Variants in SNCG observed in about 807,000 individuals in gnomAD.
The protein encoded by SNCG is gamma-synuclein.
A neutral mutation model predicts 16.0 loss-of-function variants in SNCG; 13 were observed. That is an observed-to-expected ratio of 0.81 (90% CI 0.53 to 1.29). SNCG has a LOEUF of 1.29. Among genes scored for constraint, SNCG ranks in the 50% most tolerant of loss-of-function variants. SNCG has a pLI of 0.00. For missense variants in SNCG, 154 were observed against 168.5 expected (o/e 0.91, Z 0.48); for synonymous variants, 66 against 66.3 (o/e 1.00, Z 0.02).
At chr10:86,958,963 T>A (rs1469953925) in intron 1 of SNCG, 145 bp downstream of exon 1, 3 of 845,824 alleles carry the variant, frequency 3.5e-6, no homozygotes, top group South Asian at 1.8e-5. Flanking sequence ...CTCCAGACCC[T>A]GGAGCACCCA....
Position 86,963,065 on chromosome 10 carries a change from C to A in SNCG, c.*80C>A. Reference sequence around the variant, plus strand: ...ATCCCCTCCTAGCACAAGGAGTGCCCGCCTTGAGTGACATGCGGCTGCCCA... The same window carrying A: ...ATCCCCTCCTAGCACAAGGAGTGCCAGCCTTGAGTGACATGCGGCTGCCCA... On this transcript the variant is annotated 3_prime_UTR_variant, in exon 5 of 5. Coordinates refer to ENST00000372017, the MANE Select transcript of SNCG (RefSeq NM_003087.3). The A allele has an allele frequency of 1.4e-6, 2 of 1,420,434 alleles. No homozygotes were observed. Among genetic ancestry groups the A allele is most frequent in the East Asian group, 2.4e-5 (1 of 41,050 alleles). 88.0% of individuals were successfully genotyped at this position (1,420,434 alleles called of 1,614,324 possible).
rs1564737596 is a variant in SNCG at position 86,959,647 on chromosome 10, G to GA, written c.137dup (p.Asn47GlufsTer64). 6.2e-7 allele frequency: 1 copy of GA among 1,613,510 alleles called. No homozygotes were observed. The highest frequency in any genetic ancestry group is 1.7e-5 in the Admixed American group (1 of 59,932). ...TTCCTCCCCAGGAGCCAAGACCAAG[G>GA]AGAATGTTGTACAGAGCGTGACCTC... On this transcript the variant is annotated frameshift_variant, in exon 2 of 5. Transcript: ENST00000372017. LOFTEE classifies it high-confidence loss of function. This position sits in a 1 kb window ranked among gnomAD's most constrained non-coding sequence, Gnocchi z 4.3.
At position 86,962,622 on chromosome 10, in the gene SNCG, G is replaced by T. The variant is rs1235142921; in HGVS notation, c.310G>T (p.Ala104Ser). 1 of 1,612,468 alleles carries T rather than the reference G, an allele frequency of 6.2e-7. No homozygotes were observed. The highest frequency in any genetic ancestry group is 1.1e-5 in the South Asian group (1 of 90,666). The part of the protein sequence containing the change: ...VVRKEDLRPS[A>S]PQQEGEASKE... ...CCTACAGGAGGACTTGAGGCCATCT[G>T]CCCCCCAACAGGAGGGTGAGGCATC... The change falls in exon 4 of 5, where the codon GCC becomes TCC. Residue 104 changes from alanine (A) to serine (S), a missense_variant. Ala to Ser is a moderately conservative substitution (Grantham distance 99, BLOSUM62 1). Transcript: ENST00000372017.
In SNCG at chr10:86,960,104, G is replaced by C. The variant is rs778658322; in HGVS notation, c.267G>C (p.Ala89=). The C allele has an allele frequency of 6.2e-7, 1 of 1,613,004 alleles. No individual in the cohort carries two copies. The highest frequency in any genetic ancestry group is 1.3e-5 in the African/African-American group (1 of 74,874). ...TKTVEEAENI[A]VTSGVVRKED... ...CCGTGGAGGAGGCGGAGAACATCGC[G>C]GTCACCTCCGGGGTGGTGCGCAAGG... Residue 89 remains alanine (A), a synonymous_variant, in exon 3 of 5, where the codon GCG becomes GCC. Transcript: ENST00000372017.
intron 4 of SNCG, 127 bp from the exon 5 acceptor site, chr10:86,962,838 G>A: frequency 8.2e-7 from 1 of 1,224,606 alleles, no homozygotes; most frequent in Non-Finnish European, 1.2e-6. Flanking sequence ...CTGAACCTGA[G>A]TGGGAGGTCC....
intron 4 of SNCG, 27 bp downstream of exon 4, chr10:86,962,702 C>T: frequency 6.4e-7 from 1 of 1,574,552 alleles, no homozygotes; most frequent in Non-Finnish European, 8.7e-7. Context: ...TGGGGTGCAC[C>T]ATGGGGGGTT....
upstream of SNCG, chr10:86,957,391 C>T (rs1564736457): frequency 6.2e-7 from 1 of 1,613,328 alleles, no homozygotes. Flanking sequence ...CCTACGGGGT[C>T]CTTGCCGGTG....
At chr10:86,962,088 G>A (rs1404255968) in intron 3 of SNCG, among the ~76,000 whole-genome samples, 1 of 152,246 alleles carries the variant, frequency 6.6e-6, no homozygotes, top group Non-Finnish European at 1.5e-5. Flanking sequence ...AGGGAGCCAT[G>A]CTCCTGTGGA....
In SNCG at chr10:86,962,948, G is replaced by A; in HGVS notation, c.364-17G>A. On this transcript the variant is annotated splice_polypyrimidine_tract_variant and intron_variant, in intron 4 of 4. Transcript: ENST00000372017. Reference sequence around the variant, plus strand: ...CTGGGGCCTGGAGCTGGGTGTGCAGGTCATTCTCTCTCCCAGGCCCAGAGT... The same window carrying A: ...CTGGGGCCTGGAGCTGGGTGTGCAGATCATTCTCTCTCCCAGGCCCAGAGT... 1 of 1,599,658 alleles carries A rather than the reference G, an allele frequency of 6.3e-7. No individual in the cohort carries two copies. The highest frequency in any genetic ancestry group is 8.5e-7 in the Non-Finnish European group (1 of 1,174,196).
chr10:86,958,501 T>TCCCAA, upstream of SNCG: 1 of 644,760 alleles, frequency 1.6e-6, no homozygotes, highest in Non-Finnish European at 2.2e-6. Flanking sequence ...CCTCCTTCCC[T>TCCCAA]CCCTCCCTCC....
upstream of SNCG, chr10:86,957,266 A>G (rs1844250287): frequency 1.8e-6 from 2 of 1,114,862 alleles, no homozygotes; most frequent in South Asian, 2.7e-5. Context: ...GATAGATACT[A>G]TTAGCCCATT....
At chr10:86,958,496 T>TTCCC (rs1184984868), upstream of SNCG, 40 of 1,169,826 alleles carry the variant, frequency 3.4e-5, no homozygotes, top group South Asian at 2.2e-4. Flanking sequence ...CTGAACCTCC[T>TTCCC]TCCCTCCCTC....
intron 4 of SNCG, 106 bp from the exon 5 acceptor site, chr10:86,962,859 G>A: frequency 7.4e-7 from 1 of 1,342,558 alleles, no homozygotes; most frequent in Non-Finnish European, 1.0e-6. Flanking sequence ...CCCCACGGAT[G>A]ACCCCTCAGG....
intron 3 of SNCG, 100 bp downstream of exon 3, chr10:86,960,228 C>A: frequency 8.6e-7 from 1 of 1,164,928 alleles, no homozygotes; most frequent in Non-Finnish European, 1.2e-6. Context: ...GGAAACAACA[C>A]GGGGGGCTGC....
chr10:86,961,269 C>T (rs888370317), intron 3 of SNCG, among the ~76,000 whole-genome samples: 1 of 152,152 alleles, frequency 6.6e-6, no homozygotes, highest in Non-Finnish European at 1.5e-5. Flanking sequence ...CCTAGTTCCC[C>T]TTTCTCGTCG....
chr10:86,959,496 A>G lies in SNCG; in HGVS notation c.122-137A>G. 1 of 720,642 alleles carries G rather than the reference A, an allele frequency of 1.4e-6. No homozygotes were observed. Among genetic ancestry groups the G allele is most frequent in the Non-Finnish European group, 2.5e-6 (1 of 404,252 alleles). 44.6% of individuals were successfully genotyped at this position (720,642 alleles called of 1,614,324 possible). A position where few individuals can be genotyped will look rare whatever the true frequency, so the allele number is the denominator to read the frequency against. The stretch of plus-strand genomic sequence containing the variant: ...GACACAGCAGGAAGAGGCCCTCTGA[A>G]GGGGCCGCCGGCCCCCAGACACCAT... On this transcript the variant is annotated intron_variant, in intron 1 of 4. Transcript: ENST00000372017. The surrounding 1 kb of genome is among the most constrained non-coding windows in gnomAD (Gnocchi z 4.3).
At chr10:86,957,842 G>T, upstream of SNCG, 1 of 1,174,056 alleles carries the variant, frequency 8.5e-7, no homozygotes, top group Admixed American at 4.3e-5. Flanking sequence ...ATGGGAACCT[G>T]CTCCCTGGGA....
chr10:86,960,126 A>G lies in SNCG; in HGVS notation c.289A>G (p.Lys97Glu), dbSNP rs1844316124. 1 of 1,611,264 alleles carries G rather than the reference A, an allele frequency of 6.2e-7. No homozygotes were observed. Among genetic ancestry groups the G allele is most frequent in the African/African-American group, 1.3e-5 (1 of 74,782 alleles). ...CGCGGTCACCTCCGGGGTGGTGCGC[A>G]AGGTGAGCCCCGGCCCTCAGACCTG... is the stretch of plus-strand genomic sequence containing the variant. ...NIAVTSGVVR[K>E]EDLRPSAPQQ... The change falls in exon 3 of 5, where the codon AAG becomes GAG. Residue 97 changes from lysine to glutamate, a missense_variant and splice_region_variant. Coordinates refer to ENST00000372017, the MANE Select transcript of SNCG (RefSeq NM_003087.3).
At position 86,960,051 on chromosome 10, in the gene SNCG, A is replaced by T; in HGVS notation, c.214A>T (p.Ser72Cys). The T allele has an allele frequency of 6.2e-7, 1 of 1,612,760 alleles. No individual in the cohort carries two copies. The highest frequency in any genetic ancestry group is 8.5e-7 in the Non-Finnish European group (1 of 1,179,694). Residue 72 changes from serine to cysteine, a missense_variant, in exon 3 of 5, where the codon AGC becomes TGC. By Grantham distance (112) the Ser-to-Cys change is moderately radical. Coordinates refer to ENST00000372017, the MANE Select transcript of SNCG (RefSeq NM_003087.3). ...QANAVSEAVV[S>C]SVNTVATKTV... ...CAACGCCGTGAGCGAGGCTGTGGTG[A>T]GCAGCGTCAACACTGTGGCCACCAA...
Sources: allele counts gnomAD v4.1 joint callset (sites outside exome capture counted in the v4.1 genomes callset), GRCh38; gene constraint gnomAD v4.1.1; non-coding constraint Gnocchi (gnomAD v3.1); transcripts MANE v1.5; gene names NCBI Gene and HGNC (gene_info 2026-07-23, HGNC 2026-07-21).